STUM: variants seen among roughly 807,000 people sequenced by gnomAD.
The protein encoded by STUM is stum, mechanosensory transduction mediator homolog, also known as protein stum homolog.
STUM carries 8 observed loss-of-function variants against 15.3 expected under a neutral mutation model. That is an observed-to-expected ratio of 0.52 (90% CI 0.31 to 0.94). STUM has a LOEUF of 0.94. Ranked by LOEUF, STUM falls within the 40% of genes least tolerant of loss-of-function variation. The probability of loss-of-function intolerance (pLI) is 0.05; values close to 1 mark genes in which losing one functional copy is unlikely to be tolerated. For synonymous variants in STUM, 78 were observed against 88.7 expected (o/e 0.88, Z 0.68); for missense variants, 142 against 204.9 (o/e 0.69, Z 1.87).
chr1:226,557,972 A>G (rs765184901), intron 1 of STUM, among the ~76,000 whole-genome samples: 2 of 152,248 alleles, frequency 1.3e-5, no homozygotes, highest in East Asian at 3.8e-4. Context: ...AGTTAGGTGT[A>G]GAAAGGTCGT....
At chr1:226,583,069 G>A (rs1206350274) in intron 1 of STUM, among the ~76,000 whole-genome samples, 2 of 152,258 alleles carry the variant, frequency 1.3e-5, no homozygotes, top group Non-Finnish European at 2.9e-5. Context: ...AGGCTAGCCA[G>A]GGTTTGTCCA....
intron 1 of STUM, among the ~76,000 whole-genome samples, chr1:226,578,303 G>C (rs1481011459): frequency 1.4e-5 from 2 of 142,850 alleles, no homozygotes; most frequent in East Asian, 2.1e-4. Flanking sequence ...CTCAAACTCT[G>C]GCCCTCAAGT....
At chr1:226,554,988 TTC>T (rs1667423461) in intron 1 of STUM, among the ~76,000 whole-genome samples, 1 of 152,120 alleles carries the variant, frequency 6.6e-6, no homozygotes. Context: ...CAGTGGCCGG[TTC>T]TCTGTCTTCC....
Position 226,606,039 on chromosome 1 carries a change from A to G in STUM, c.*3999A>G, listed in dbSNP as rs185819041. 1.5e-3 allele frequency: 223 copies of G among 152,398 alleles called. No individual in the cohort carries two copies. Among genetic ancestry groups the G allele is most frequent in the Non-Finnish European group, 2.6e-3 (178 of 68,080 alleles). 9.4% of individuals were successfully genotyped at this position (152,398 alleles called of 1,614,324 possible). A position where few individuals can be genotyped will look rare whatever the true frequency, so the allele number is the denominator to read the frequency against. ...TGCTACAGAAAGGAACTGCAGAAAG[A>G]AAAAAAGCCACATGGTTAACTTTTC... On this transcript the variant is annotated 3_prime_UTR_variant, in exon 4 of 4. Transcript: ENST00000366788.
intron 3 of STUM, among the ~76,000 whole-genome samples, chr1:226,601,069 T>G (rs903067941): frequency 3.3e-5 from 5 of 152,064 alleles, no homozygotes; most frequent in African/African-American, 1.2e-4. Flanking sequence ...GAATAACCGC[T>G]CGGCAAATTC....
chr1:226,555,233 T>C (rs1667427743), intron 1 of STUM, among the ~76,000 whole-genome samples: 1 of 152,234 alleles, frequency 6.6e-6, no homozygotes, highest in Non-Finnish European at 1.5e-5. Flanking sequence ...GCAGTGATCT[T>C]GCCCAGCCTC....
At chr1:226,571,004 G>A (rs1326294799) in intron 1 of STUM, among the ~76,000 whole-genome samples, 2 of 152,202 alleles carry the variant, frequency 1.3e-5, no homozygotes, top group Non-Finnish European at 2.9e-5. Context: ...GCCGAGGCGG[G>A]AGGATCACTT....
At chr1:226,581,930 T>C (rs1364520979) in intron 1 of STUM, among the ~76,000 whole-genome samples, 1 of 152,234 alleles carries the variant, frequency 6.6e-6, no homozygotes, top group Admixed American at 6.5e-5. Context: ...CTGCAGCTGC[T>C]GCAGTTTATC....
chr1:226,592,989 C>A (rs1668113869), intron 1 of STUM, among the ~76,000 whole-genome samples: 1 of 152,172 alleles, frequency 6.6e-6, no homozygotes, highest in African/African-American at 2.4e-5. Flanking sequence ...AGTTTGAGAC[C>A]AGCATGGCCA....
At chr1:226,558,354 G>T (rs1667483459) in intron 1 of STUM, among the ~76,000 whole-genome samples, 1 of 152,168 alleles carries the variant, frequency 6.6e-6, no homozygotes, top group South Asian at 2.1e-4. Context: ...CATTCCTGGG[G>T]TATTTCTCTG....
chr1:226,586,913 A>G (rs1668007802), intron 1 of STUM, among the ~76,000 whole-genome samples: 1 of 152,070 alleles, frequency 6.6e-6, no homozygotes, highest in South Asian at 2.1e-4. Flanking sequence ...TGGCCATTAC[A>G]CAACCACCCT....
At position 226,548,853 on chromosome 1, in the gene STUM, C is replaced by G; in HGVS notation, c.-52C>G. 7.8e-7 allele frequency: 1 copy of G among 1,284,380 alleles called. No homozygotes were observed. Among genetic ancestry groups the G allele is most frequent in the Non-Finnish European group, 9.8e-7 (1 of 1,018,728 alleles). The allele number at this position is 1,284,380 out of a possible 1,614,324, so 79.6% of individuals were successfully genotyped here. On this transcript the variant is annotated 5_prime_UTR_variant, in exon 1 of 4. Coordinates refer to ENST00000366788, the MANE Select transcript of STUM (RefSeq NM_001003665.4). ...GCCGACAGTCTCCTGCTCCCGTACGCTGGGCGCCAGCTCCGGCCGTGCTGC... is the reference window on the plus strand; with the variant it reads ...GCCGACAGTCTCCTGCTCCCGTACGGTGGGCGCCAGCTCCGGCCGTGCTGC...
At chr1:226,569,787 C>A (rs1045332611) in intron 1 of STUM, among the ~76,000 whole-genome samples, 3 of 152,196 alleles carry the variant, frequency 2.0e-5, no homozygotes, top group Non-Finnish European at 2.9e-5. Flanking sequence ...GCGTGACCCT[C>A]TTCTGCCTTC....
intron 1 of STUM, among the ~76,000 whole-genome samples, chr1:226,560,798 CATTTCT>C (rs1164302491): frequency 6.6e-6 from 1 of 152,170 alleles, no homozygotes; most frequent in Non-Finnish European, 1.5e-5. Context: ...AGACTAAGCA[CATTTCT>C]ATTCATGTCT....
At chr1:226,580,768 G>A (rs777380954) in intron 1 of STUM, among the ~76,000 whole-genome samples, 3 of 152,128 alleles carry the variant, frequency 2.0e-5, no homozygotes, top group Non-Finnish European at 2.9e-5. Flanking sequence ...ATCACTAATC[G>A]AAGGGTTCTA....
intron 1 of STUM, among the ~76,000 whole-genome samples, chr1:226,551,198 G>C (rs1667371261): frequency 6.6e-6 from 1 of 152,130 alleles, no homozygotes; most frequent in Non-Finnish European, 1.5e-5. Flanking sequence ...CTGTAAGTCA[G>C]GCACACCTGT....
intron 1 of STUM, among the ~76,000 whole-genome samples, chr1:226,558,305 C>A (rs1667482665): frequency 6.6e-6 from 1 of 152,192 alleles, no homozygotes; most frequent in Non-Finnish European, 1.5e-5. Context: ...AAAATCAACA[C>A]ACAAAAATCA....
At chr1:226,581,887 C>A (rs894771627) in intron 1 of STUM, among the ~76,000 whole-genome samples, 1 of 152,228 alleles carries the variant, frequency 6.6e-6, no homozygotes, top group African/African-American at 2.4e-5. Context: ...GGACATCCTG[C>A]ACCCATCCAC....
intron 1 of STUM, among the ~76,000 whole-genome samples, chr1:226,558,565 C>T (rs1035729090): frequency 1.3e-5 from 2 of 152,184 alleles, no homozygotes; most frequent in Non-Finnish European, 2.9e-5. Context: ...TGGAAGCTTT[C>T]TCCACTGTAC....
Sources: allele counts gnomAD v4.1 joint callset (sites outside exome capture counted in the v4.1 genomes callset), GRCh38; gene constraint gnomAD v4.1.1; transcripts MANE v1.5; gene names NCBI Gene and HGNC (gene_info 2026-07-23, HGNC 2026-07-21).